The following RABGAP1L variants were observed in gnomAD, a reference collection of about 807,000 sequenced individuals.
RABGAP1L encodes RAB GTPase activating protein 1 like, also known as rab GTPase-activating protein 1-like.
RABGAP1L carries 63 observed loss-of-function variants against 137.7 expected under a neutral mutation model. The observed-to-expected ratio is 0.46, with a 90% CI of 0.37 to 0.56. RABGAP1L has a LOEUF of 0.56. Among genes scored for constraint, RABGAP1L ranks in the 20% least tolerant of loss-of-function variants. RABGAP1L has a pLI of 0.00. For missense variants in RABGAP1L, 1,095 were observed against 1,244.0 expected (o/e 0.88, Z 1.80); for synonymous variants, 431 against 433.7 (o/e 0.99, Z 0.08).
At chr1:174,943,409 C>A (rs1403303438) in intron 19 of RABGAP1L, among the ~76,000 whole-genome samples, 1 of 152,246 alleles carries the variant, frequency 6.6e-6, no homozygotes, top group Non-Finnish European at 1.5e-5. Flanking sequence ...GGCTCAGCTT[C>A]ATTGTCATTC....
At chr1:174,892,558 T>C in intron 19 of RABGAP1L, 2 of 525,708 alleles carry the variant, frequency 3.8e-6, no homozygotes, top group Admixed American at 2.1e-5. Context: ...AAAAGAAGAT[T>C]GAATGGAACT....
intron 11 of RABGAP1L, among the ~76,000 whole-genome samples, chr1:174,325,993 C>T (rs1360056831): frequency 1.3e-5 from 2 of 152,294 alleles, no homozygotes; most frequent in East Asian, 1.9e-4. Context: ...TTGTGAGACT[C>T]GTGTCTAACC....
chr1:174,670,786 A>G (rs1447674131), intron 14 of RABGAP1L, among the ~76,000 whole-genome samples: 1 of 152,118 alleles, frequency 6.6e-6, no homozygotes, highest in African/African-American at 2.4e-5. Flanking sequence ...TTCTTTTTCC[A>G]TTCATCTGTT....
At chr1:174,310,960 A>C (rs1452893711) in intron 11 of RABGAP1L, among the ~76,000 whole-genome samples, 1 of 152,152 alleles carries the variant, frequency 6.6e-6, no homozygotes, top group African/African-American at 2.4e-5. Context: ...TATTGACTAT[A>C]GTCATCCTGT....
chr1:174,430,156 G>A (rs1652450489), intron 13 of RABGAP1L, among the ~76,000 whole-genome samples: 2 of 151,960 alleles, frequency 1.3e-5, no homozygotes, highest in Admixed American at 6.6e-5. Context: ...AGGCCGAGGC[G>A]GGCAGTTTGC....
At chr1:174,522,248 G>A (rs749135573) in intron 13 of RABGAP1L, among the ~76,000 whole-genome samples, 52 of 152,162 alleles carry the variant, frequency 3.4e-4, no homozygotes, top group Non-Finnish European at 6.0e-4. Context: ...AGAAGGCAGA[G>A]GGCAGGTGTA....
chr1:174,915,293 T>C (rs904887478), intron 19 of RABGAP1L, among the ~76,000 whole-genome samples: 1 of 152,222 alleles, frequency 6.6e-6, no homozygotes, highest in African/African-American at 2.4e-5. Flanking sequence ...CCACCAGTTA[T>C]GTATAAGGAT....
At position 174,809,986 on chromosome 1, in the gene RABGAP1L, A is replaced by G. The variant is rs564413792; in HGVS notation, c.2212-1846A>G. 4.6e-5 allele frequency among the ~76,000 whole-genome samples: 7 copies of G among 152,358 alleles called. No homozygotes were observed. The South Asian group carries it at 1.5e-3, about 32-fold the overall frequency. ...CATCTGTATGTTTATGAGGAAAGAGAAATCTGAGATGTACTGGAGTTTTTT... is the reference window on the plus strand; with the variant it reads ...CATCTGTATGTTTATGAGGAAAGAGGAATCTGAGATGTACTGGAGTTTTTT... On this transcript the variant is annotated intron_variant, in intron 18 of 25. Transcript: ENST00000681986.
rs1435684822 is a variant in RABGAP1L, at chr1:174,906,403, G to A, written c.2341-51054G>A. On this transcript the variant is annotated intron_variant, in intron 19 of 25. Coordinates refer to ENST00000681986, the MANE Select transcript of RABGAP1L (RefSeq NM_001366446.1). ...AGCATTTTGGGAGACCAAGGCAGGC[G>A]GATCACATGAGGTCAGGAGTTCGAG... Among the ~76,000 whole-genome samples, 12 of 152,190 alleles carry A rather than the reference G, an allele frequency of 7.9e-5. No homozygotes were observed. The South Asian group carries it at 8.3e-4, about 11-fold the overall frequency.
chr1:174,850,497 T>A (rs1272047261), intron 19 of RABGAP1L, among the ~76,000 whole-genome samples: 1 of 152,246 alleles, frequency 6.6e-6, no homozygotes, highest in Non-Finnish European at 1.5e-5. Flanking sequence ...ACCATTTGCA[T>A]ATGGTACTCA....
At chr1:174,552,134 C>T (rs569499308) in intron 13 of RABGAP1L, among the ~76,000 whole-genome samples, 42 of 152,274 alleles carry the variant, frequency 2.8e-4, no homozygotes, top group Non-Finnish European at 5.0e-4. Context: ...TGGCATGGCA[C>T]ATGATCTTCA....
chr1:174,495,009 T>A (rs1169826461), intron 13 of RABGAP1L, among the ~76,000 whole-genome samples: 1 of 152,076 alleles, frequency 6.6e-6, no homozygotes, highest in East Asian at 1.9e-4. Context: ...ATTGACCCCC[T>A]TATCAATCCC....
At chr1:174,781,676 C>T (rs558033591) in intron 18 of RABGAP1L, among the ~76,000 whole-genome samples, 1 of 152,216 alleles carries the variant, frequency 6.6e-6, no homozygotes, top group African/African-American at 2.4e-5. Flanking sequence ...GCTAGGTTTT[C>T]TTCTATGGTT....
At chr1:174,349,053 G>GGT (rs1682755525) in intron 11 of RABGAP1L, among the ~76,000 whole-genome samples, 1 of 138,042 alleles carries the variant, frequency 7.2e-6, no homozygotes, top group Admixed American at 7.2e-5. Flanking sequence ...GCGGGGGGGG[G>GGT]GCTGACCCCC....
intron 18 of RABGAP1L, among the ~76,000 whole-genome samples, chr1:174,787,489 C>A (rs1687540562): frequency 6.7e-6 from 1 of 150,322 alleles, no homozygotes; most frequent in East Asian, 1.9e-4. Flanking sequence ...TTTTAGGCAA[C>A]AAGAACAATA....
chr1:174,238,008 C>A (rs1214407915), intron 4 of RABGAP1L, among the ~76,000 whole-genome samples: 2 of 151,636 alleles, frequency 1.3e-5, no homozygotes, highest in Non-Finnish European at 2.9e-5. Flanking sequence ...CTTCTCACTT[C>A]ATTTCATTCA....
rs904711967 is a variant in RABGAP1L, at chr1:174,831,384, T to G, written c.2340+19424T>G. On this transcript the variant is annotated intron_variant, in intron 19 of 25. Transcript: ENST00000681986. ...AGTTAAAGTTGAATATTACAATTGG[T>G]TTTTCAGGGTAAATGTTGCCCTTTT... Among the ~76,000 whole-genome samples the G allele has an allele frequency of 4.7e-5, 7 of 148,190 alleles. 1 individual carries two copies. The highest frequency in any genetic ancestry group is 2.5e-5 in the African/African-American group (1 of 40,582).
intron 18 of RABGAP1L, among the ~76,000 whole-genome samples, chr1:174,779,680 G>A (rs1004057628): frequency 6.6e-6 from 1 of 152,106 alleles, no homozygotes; most frequent in Non-Finnish European, 1.5e-5. Flanking sequence ...GTATTAGAAA[G>A]AAATCATACT....
chr1:174,190,096 G>A (rs1035024179), intron 1 of RABGAP1L, among the ~76,000 whole-genome samples: 7 of 151,896 alleles, frequency 4.6e-5, no homozygotes, highest in Non-Finnish European at 1.0e-4. Context: ...TGAGGTCAGG[G>A]GATGAAGACC....
Sources: allele counts gnomAD v4.1 joint callset (sites outside exome capture counted in the v4.1 genomes callset), GRCh38; gene constraint gnomAD v4.1.1; transcripts MANE v1.5; gene names NCBI Gene and HGNC (gene_info 2026-07-23, HGNC 2026-07-21).